GPHN: variants seen among roughly 807,000 people sequenced by gnomAD.
The protein encoded by GPHN is gephyrin.
A neutral mutation model predicts 95.5 loss-of-function variants in GPHN; 17 were observed. The observed-to-expected ratio is 0.18, with a 90% CI of 0.12 to 0.27. GPHN has a LOEUF of 0.27. Among genes scored for constraint, GPHN ranks in the 10% least tolerant of loss-of-function variants. The pLI is 1.00. For missense variants in GPHN, 660 were observed against 978.1 expected, an observed-to-expected ratio of 0.67 and a Z score of 4.34; for synonymous variants, 320 against 322.5, an observed-to-expected ratio of 0.99 and a Z score of 0.08.
the GPHN span, chr14:67,642,278 G>C: frequency 6.2e-7 from 1 of 1,614,076 alleles, no homozygotes; most frequent in Non-Finnish European, 8.5e-7. Flanking sequence ...ACGCTCAGTG[G>C]GTCTTGCCAA....
chr14:67,153,164 T>G (rs1595403298), intron 18 of GPHN, among the ~76,000 whole-genome samples: 1 of 152,118 alleles, frequency 6.6e-6, no homozygotes, highest in Non-Finnish European at 1.5e-5. Flanking sequence ...CTAGGCATAG[T>G]GGTGCTTGCC....
chr14:66,876,978 T>C (rs2063697364), intron 4 of GPHN, among the ~76,000 whole-genome samples: 1 of 152,168 alleles, frequency 6.6e-6, no homozygotes, highest in Admixed American at 6.5e-5. Flanking sequence ...GGAACATGGA[T>C]GCATAAATCC....
intron 11 of GPHN, among the ~76,000 whole-genome samples, chr14:67,076,987 ACTGTGGGATTATTTTG>A (rs2076521039): frequency 6.6e-6 from 1 of 152,184 alleles, no homozygotes; most frequent in Non-Finnish European, 1.5e-5. Context: ...GAACTTTATA[ACTGTGGGATTATTTTG>A]ATAAGTGACT....
chr14:66,942,703 G>T (rs1275257657), intron 8 of GPHN, among the ~76,000 whole-genome samples: 1 of 152,118 alleles, frequency 6.6e-6, no homozygotes, highest in South Asian at 2.1e-4. Context: ...ATATCCTAAA[G>T]TAGATTAAAC....
chr14:67,175,146 C>A (rs1384351172), intron 21 of GPHN, among the ~76,000 whole-genome samples: 1 of 151,912 alleles, frequency 6.6e-6, no homozygotes, highest in Non-Finnish European at 1.5e-5. Flanking sequence ...TCATGAAGTC[C>A]TTGCCCATGC....
the GPHN span, among the ~76,000 whole-genome samples, chr14:67,453,211 C>CG: frequency 0.13 from 19,216 of 152,188 alleles, 1,301 homozygotes; most frequent in African/African-American, 0.17. Context: ...AATTATCCCC[C>CG]GGGGGGTCAG....
rs539417648 is a variant in GPHN at position 67,181,643 on chromosome 14, A to G, written c.*706A>G. ...TTAAAATTGTACAGAACAAAAAAAT[A>G]AAATCAAAGACTGATCTTGTACAGA... is the stretch of plus-strand genomic sequence containing the variant. On this transcript the variant is annotated 3_prime_UTR_variant, in exon 23 of 23. Transcript: ENST00000478722. 16 of 317,312 alleles carry G rather than the reference A, an allele frequency of 5.0e-5. No individual in the cohort carries two copies. Among genetic ancestry groups the G allele is most frequent in the Admixed American group, 1.4e-4 (3 of 21,320 alleles). 19.7% of individuals were successfully genotyped at this position (317,312 alleles called of 1,614,324 possible). A position where few individuals can be genotyped will look rare whatever the true frequency, so the allele number is the denominator to read the frequency against.
the GPHN span, among the ~76,000 whole-genome samples, chr14:67,693,289 A>T: frequency 6.6e-6 from 1 of 152,238 alleles, no homozygotes; most frequent in Non-Finnish European, 1.5e-5. Context: ...TGTTCTCTGC[A>T]GCACAAGAAC....
rs561362753 is a variant in GPHN at position 66,634,337 on chromosome 14, A to G, written c.65-46770A>G. On this transcript the variant is annotated intron_variant, in intron 1 of 22. Coordinates refer to ENST00000478722, the MANE Select transcript of GPHN (RefSeq NM_020806.5). ...TTCGCATTGGTTCTCGGTGATTGCA[A>G]TGGTGTAGTTTTTGTATGATACTTC... Among the ~76,000 whole-genome samples, 15 of 151,652 alleles carry G rather than the reference A, an allele frequency of 9.9e-5. No individual in the cohort carries two copies. The South Asian group carries it at 2.9e-3, about 30-fold the overall frequency.
the GPHN span, chr14:67,691,283 C>T: frequency 6.9e-7 from 1 of 1,449,150 alleles, no homozygotes; most frequent in Non-Finnish European, 9.7e-7. Flanking sequence ...AGTGGCTAGC[C>T]AAGGCTATTA....
the GPHN span, among the ~76,000 whole-genome samples, chr14:67,426,881 C>T: frequency 3.3e-5 from 5 of 152,136 alleles, no homozygotes; most frequent in Non-Finnish European, 7.3e-5. Context: ...GGCCTAATGT[C>T]CAGTTTTAAG....
chr14:67,599,540 ACT>A, the GPHN span, among the ~76,000 whole-genome samples: 2 of 152,070 alleles, frequency 1.3e-5, no homozygotes, highest in African/African-American at 2.4e-5. Flanking sequence ...GAACTATAAC[ACT>A]CTATCTATAC....
chr14:67,166,876 C>T (rs2082309647), intron 20 of GPHN, among the ~76,000 whole-genome samples: 1 of 152,060 alleles, frequency 6.6e-6, no homozygotes, highest in Non-Finnish European at 1.5e-5. Context: ...CACCATGTTG[C>T]CCGGGCTGGT....
At chr14:67,148,420 T>A (rs1428697632) in intron 18 of GPHN, among the ~76,000 whole-genome samples, 1 of 152,174 alleles carries the variant, frequency 6.6e-6, no homozygotes, top group Non-Finnish European at 1.5e-5. Context: ...TTGTCCTTTA[T>A]TATGCTCTTT....
chr14:66,563,255 ATG>A (rs1209273259), intron 1 of GPHN, among the ~76,000 whole-genome samples: 8 of 152,216 alleles, frequency 5.3e-5, no homozygotes, highest in Non-Finnish European at 1.0e-4. Context: ...GTAACATCTA[ATG>A]TGACTAACTT....
At chr14:67,557,320 T>G in the GPHN span, 1 of 1,613,756 alleles carries the variant, frequency 6.2e-7, no homozygotes, top group Non-Finnish European at 8.5e-7. Context: ...GAATGTGGAC[T>G]CTGAGGGGAG....
chr14:67,201,223 G>C, the GPHN span, among the ~76,000 whole-genome samples: 1 of 152,302 alleles, frequency 6.6e-6, no homozygotes, highest in Non-Finnish European at 1.5e-5. Flanking sequence ...AAGCCCAGGA[G>C]CTCCAGGCTG....
chr14:67,164,064 T>C (rs1410909898), intron 19 of GPHN, among the ~76,000 whole-genome samples: 1 of 150,724 alleles, frequency 6.6e-6, no homozygotes, highest in Non-Finnish European at 1.5e-5. Flanking sequence ...AGGTCGGGAG[T>C]TCAAGACCAG....
At chr14:67,306,022 A>G in the GPHN span, among the ~76,000 whole-genome samples, 5 of 152,134 alleles carry the variant, frequency 3.3e-5, no homozygotes, top group African/African-American at 1.2e-4. Flanking sequence ...CACCGAGGCA[A>G]GCAGTGGCAC....
Sources: gnomAD v4.1 joint callset for allele counts (sites outside exome capture counted in the v4.1 genomes callset) on GRCh38, gnomAD v4.1.1 for gene constraint, MANE v1.5 for transcripts, NCBI Gene and HGNC (gene_info 2026-07-23, HGNC 2026-07-21) for gene names.